Variants in GABRA3 observed in about 807,000 individuals in gnomAD.
GABRA3 encodes gamma-aminobutyric acid type A receptor subunit alpha3.
GABRA3 carries 10 observed loss-of-function variants against 30.1 expected under a neutral mutation model. That is an observed-to-expected ratio of 0.33 (90% CI 0.20 to 0.56). The LOEUF is 0.56. Among genes scored for constraint, GABRA3 ranks in the 20% least tolerant of loss-of-function variants. GABRA3 has a pLI of 0.89. For synonymous variants in GABRA3, 151 were observed against 146.8 expected, an observed-to-expected ratio of 1.03 and a Z score of -0.21; for missense variants, 233 against 392.0, an observed-to-expected ratio of 0.59 and a Z score of 3.42.
At chrX:152,199,006 C>G (rs759436862) in intron 7 of GABRA3, among the ~76,000 whole-genome samples, 1 of 111,685 alleles carries the variant, frequency 9.0e-6, no homozygotes, top group East Asian at 2.8e-4. Context: ...TCCAACACGA[C>G]TAGTGTCCTT....
At chrX:152,408,532 A>G (rs1483866279) in intron 1 of GABRA3, among the ~76,000 whole-genome samples, 1 of 111,671 alleles carries the variant, frequency 9.0e-6, no homozygotes. Flanking sequence ...GATATCTACA[A>G]TGAAAACTGC....
intron 1 of GABRA3, among the ~76,000 whole-genome samples, chrX:152,443,541 C>T (rs1442816906): frequency 1.8e-5 from 2 of 111,653 alleles, no homozygotes; most frequent in Non-Finnish European, 3.8e-5. Flanking sequence ...ATTGTAGGTT[C>T]TAGCGGATAT....
chrX:152,293,542 G>A (rs188314657), intron 3 of GABRA3, among the ~76,000 whole-genome samples: 5 of 110,856 alleles, frequency 4.5e-5, no homozygotes, highest in Admixed American at 9.6e-5. Flanking sequence ...TAATTGGGGC[G>A]TTTAGTCCAT....
intron 5 of GABRA3, among the ~76,000 whole-genome samples, chrX:152,252,240 G>T (rs1341365105): frequency 9.0e-6 from 1 of 111,620 alleles, no homozygotes; most frequent in Non-Finnish European, 1.9e-5. Context: ...CCACTCTATT[G>T]AAACAGTGTA....
At chrX:152,342,092 C>A (rs1368139164) in intron 3 of GABRA3, among the ~76,000 whole-genome samples, 1 of 111,638 alleles carries the variant, frequency 9.0e-6, no homozygotes. Context: ...AGGCTGGTCT[C>A]GAACTCCTGA....
rs746088524 is a variant in GABRA3, at chrX:152,251,748, A to T, written c.551+4030T>A. Among the ~76,000 whole-genome samples, 136 of 110,459 alleles carry T rather than the reference A, an allele frequency of 1.2e-3. 1 individual carries two copies. Among genetic ancestry groups the T allele is most frequent in the African/African-American group, 4.2e-3 (128 of 30,447 alleles). ...TTTTTCAAACTCTTCTCTTTCCTAT[A>T]ATTTATTACAAGCATGCCTCTCTTC... is the stretch of plus-strand genomic sequence containing the variant. On this transcript the variant is annotated intron_variant, in intron 5 of 9. Coordinates refer to ENST00000370314, the MANE Select transcript of GABRA3 (RefSeq NM_000808.4).
chrX:152,261,677 C>T lies in GABRA3; in HGVS notation c.331-5679G>A, dbSNP rs187806079. ...TTGGGCAGCTCCACCCCTGTGGCTT[C>T]GCAGGGTACAGCCCCCCTCCCAGTT... On this transcript the variant is annotated intron_variant, in intron 4 of 9. Coordinates refer to ENST00000370314, the MANE Select transcript of GABRA3 (RefSeq NM_000808.4). Among the ~76,000 whole-genome samples the T allele has an allele frequency of 8.7e-3, 975 of 112,427 alleles. 15 individuals carry two copies. The highest frequency in any genetic ancestry group is 0.03 in the African/African-American group (920 of 30,951).
chrX:152,361,559 G>A (rs768325091), intron 2 of GABRA3, among the ~76,000 whole-genome samples: 12 of 89,630 alleles, frequency 1.3e-4, no homozygotes, highest in Non-Finnish European at 2.3e-4. Context: ...GGTGAAGAGT[G>A]AGACTCCATC....
At chrX:152,375,426 T>C (rs911603300) in intron 1 of GABRA3, among the ~76,000 whole-genome samples, 1 of 112,368 alleles carries the variant, frequency 8.9e-6, no homozygotes, top group African/African-American at 3.2e-5. Flanking sequence ...GTATTTGATG[T>C]TTGACCTTAT....
chrX:152,245,036 TC>T lies in GABRA3; in HGVS notation c.551+10741del, dbSNP rs1938440896. ...TAACTAGAATCCTAAAGGTTAAAAA[TC>T]TAAAGTTTATTGAATATATGTACTG... On this transcript the variant is annotated intron_variant, in intron 5 of 9. Transcript: ENST00000370314. Among the ~76,000 whole-genome samples the T allele has an allele frequency of 2.7e-5, 3 of 111,290 alleles. No individual in the cohort carries two copies. The East Asian group carries it at 8.6e-4, about 32-fold the overall frequency.
At chrX:152,322,956 G>A (rs199674264) in intron 3 of GABRA3, among the ~76,000 whole-genome samples, 9 of 98,093 alleles carry the variant, frequency 9.2e-5, no homozygotes, top group East Asian at 3.3e-4. Context: ...AGGTTCAAGC[G>A]ATTCTCCTGC....
intron 9 of GABRA3, among the ~76,000 whole-genome samples, chrX:152,185,560 G>A (rs1937241921): frequency 9.0e-6 from 1 of 111,175 alleles, no homozygotes; most frequent in Non-Finnish European, 1.9e-5. Flanking sequence ...CATCATGGAA[G>A]CCTTGCAGCT....
chrX:152,243,877 T>C (rs1298396302), intron 5 of GABRA3, among the ~76,000 whole-genome samples: 1 of 112,332 alleles, frequency 8.9e-6, no homozygotes, highest in African/African-American at 3.2e-5. Context: ...ATCCCTGCTA[T>C]TGACTAAAAG....
intron 9 of GABRA3, among the ~76,000 whole-genome samples, chrX:152,172,608 A>G (rs1200267342): frequency 1.8e-5 from 2 of 111,985 alleles, no homozygotes; most frequent in African/African-American, 6.5e-5. Context: ...CATTCCATTC[A>G]CAATTCTTCA....
At chrX:152,269,837 T>A (rs756888501) in intron 4 of GABRA3, among the ~76,000 whole-genome samples, 1 of 111,805 alleles carries the variant, frequency 8.9e-6, no homozygotes, top group African/African-American at 3.2e-5. Flanking sequence ...CACACAATAA[T>A]AAAATCAAAA....
At chrX:152,406,939 CAA>C (rs1294539613) in intron 1 of GABRA3, among the ~76,000 whole-genome samples, 1 of 111,572 alleles carries the variant, frequency 9.0e-6, no homozygotes, top group East Asian at 2.8e-4. Flanking sequence ...AAATTAATAA[CAA>C]GAGGAATTTT....
intron 4 of GABRA3, among the ~76,000 whole-genome samples, chrX:152,272,719 C>A (rs1938968463): frequency 9.0e-6 from 1 of 111,403 alleles, no homozygotes; most frequent in Admixed American, 9.5e-5. Flanking sequence ...TCCATAATCC[C>A]CACGTGTGGT....
In GABRA3 at chrX:152,168,225, T is replaced by C. The variant is rs1936960027; in HGVS notation, c.*3A>G. 1 of 1,203,157 alleles carries C rather than the reference T, an allele frequency of 8.3e-7. No individual in the cohort carries two copies. The highest frequency in any genetic ancestry group is 1.8e-5 in the South Asian group (1 of 56,426). On this transcript the variant is annotated 3_prime_UTR_variant, in exon 10 of 10. Transcript: ENST00000370314. ...GCTCTGGTTGCTGCACTGCCACCAC[T>C]ATCTACTGTTTGCGGATCATGCCCT...
intron 1 of GABRA3, among the ~76,000 whole-genome samples, chrX:152,374,500 G>A (rs747579110): frequency 6.0e-4 from 65 of 108,859 alleles, no homozygotes; most frequent in African/African-American, 1.7e-3. Context: ...ACAGGCACGC[G>A]CCACCACACC....
Sources: gnomAD v4.1 joint callset for allele counts (sites outside exome capture counted in the v4.1 genomes callset) on GRCh38, gnomAD v4.1.1 for gene constraint, MANE v1.5 for transcripts, NCBI Gene and HGNC (gene_info 2026-07-23, HGNC 2026-07-21) for gene names.